Variants in TNIP3 observed in about 807,000 individuals in gnomAD.
TNIP3 encodes TNFAIP3 interacting protein 3.
TNIP3 carries 34 observed loss-of-function variants against 54.1 expected under a neutral mutation model. That is an observed-to-expected ratio of 0.63 (90% CI 0.48 to 0.84). The LOEUF (loss-of-function observed/expected upper bound fraction) is 0.84, where lower values mean the gene tolerates loss of function less well. Ranked by LOEUF, TNIP3 falls within the 40% of genes least tolerant of loss-of-function variation. The probability of loss-of-function intolerance (pLI) is 0.00; values close to 1 mark genes in which losing one functional copy is unlikely to be tolerated. For synonymous variants in TNIP3, 134 were observed against 136.8 expected (o/e 0.98, Z 0.14); for missense variants, 366 against 387.6 (o/e 0.94, Z 0.47).
chr4:121,162,623 T>C (rs1278275519), intron 1 of TNIP3, among the ~76,000 whole-genome samples: 1 of 152,168 alleles, frequency 6.6e-6, no homozygotes, highest in Non-Finnish European at 1.5e-5. Flanking sequence ...TAGTGTATCT[T>C]GAGGTCATCA....
chr4:121,151,740 C>A (rs1478619496), intron 5 of TNIP3, among the ~76,000 whole-genome samples: 1 of 151,866 alleles, frequency 6.6e-6, no homozygotes, highest in African/African-American at 2.4e-5. Flanking sequence ...ATTTTCTGAT[C>A]TACTTTTCAT....
chr4:121,134,632 T>G (rs1250098882), intron 10 of TNIP3, among the ~76,000 whole-genome samples: 2 of 152,204 alleles, frequency 1.3e-5, no homozygotes, highest in Non-Finnish European at 2.9e-5. Flanking sequence ...GGGTTGATTT[T>G]CAATGTGTCT....
At chr4:121,143,612 C>A (rs1449054694) in intron 7 of TNIP3, among the ~76,000 whole-genome samples, 1 of 152,180 alleles carries the variant, frequency 6.6e-6, no homozygotes, top group Non-Finnish European at 1.5e-5. Context: ...CATAAAGTCA[C>A]CACGGACACT....
chr4:121,171,406 T>A (rs903421435), intron 3 of TNIP3, among the ~76,000 whole-genome samples: 4 of 152,222 alleles, frequency 2.6e-5, no homozygotes, highest in Non-Finnish European at 5.9e-5. Context: ...AGTAAAATGT[T>A]CATGTTCATG....
At chr4:121,140,913 G>A (rs1455240415) in intron 9 of TNIP3, among the ~76,000 whole-genome samples, 1 of 152,108 alleles carries the variant, frequency 6.6e-6, no homozygotes. Context: ...GCCACCCAAA[G>A]AGTCATTATC....
intron 2 of TNIP3, among the ~76,000 whole-genome samples, chr4:121,210,463 T>A (rs1351250036): frequency 6.6e-6 from 1 of 152,144 alleles, no homozygotes; most frequent in East Asian, 1.9e-4. Flanking sequence ...CTGAAATCAT[T>A]ATAGATCAAC....
At chr4:121,208,724 C>T (rs1037280732) in intron 2 of TNIP3, among the ~76,000 whole-genome samples, 2 of 152,146 alleles carry the variant, frequency 1.3e-5, no homozygotes, top group African/African-American at 4.8e-5. Flanking sequence ...ATAAAAAATA[C>T]ATTCTTTGTC....
chr4:121,223,623 T>G (rs1456199350), intron 1 of TNIP3, among the ~76,000 whole-genome samples: 2 of 150,620 alleles, frequency 1.3e-5, no homozygotes, highest in Non-Finnish European at 3.0e-5. Flanking sequence ...AAGGTAAAAA[T>G]GCCTCATTAT....
chr4:121,215,147 A>T (rs1726712911), intron 2 of TNIP3, among the ~76,000 whole-genome samples: 2 of 152,154 alleles, frequency 1.3e-5, no homozygotes, highest in Non-Finnish European at 2.9e-5. Flanking sequence ...AGAGTAGCCT[A>T]TTGGAAATCC....
At chr4:121,184,575 C>G (rs1488040078) in intron 2 of TNIP3, among the ~76,000 whole-genome samples, 1 of 152,180 alleles carries the variant, frequency 6.6e-6, no homozygotes, top group Non-Finnish European at 1.5e-5. Flanking sequence ...TCAGCCCCTT[C>G]TAAGGCCTGA....
rs183283513 is a variant in TNIP3 at position 121,151,752 on chromosome 4, C to T, written c.493-1533G>A. 2.0e-3 allele frequency among the ~76,000 whole-genome samples: 310 copies of T among 152,058 alleles called. 2 individuals carry two copies. Among genetic ancestry groups the T allele is most frequent in the South Asian group, 3.3e-3 (16 of 4,822 alleles). On this transcript the variant is annotated intron_variant, in intron 5 of 10. Coordinates refer to ENST00000057513, the MANE Select transcript of TNIP3 (RefSeq NM_024873.6). ...TGAATTTTCTGATCTACTTTTCATG[C>T]TATTTGGGATCCTAGAAATTTTGTA... is the stretch of plus-strand genomic sequence containing the variant.
At chr4:121,211,659 A>G (rs936380623) in intron 2 of TNIP3, among the ~76,000 whole-genome samples, 1 of 152,216 alleles carries the variant, frequency 6.6e-6, no homozygotes, top group Non-Finnish European at 1.5e-5. Flanking sequence ...ACCTTCTATT[A>G]TATTAACTGG....
Position 121,164,086 on chromosome 4 carries a change from C to T in TNIP3, c.40G>A (p.Ala14Thr), listed in dbSNP as rs746493432. The T allele has an allele frequency of 9.9e-6, 16 of 1,613,474 alleles. No individual in the cohort carries two copies. Among genetic ancestry groups the T allele is most frequent in the East Asian group, 6.7e-5 (3 of 44,858 alleles). Residue 14 changes from alanine (A) to threonine (T), a missense_variant, in exon 1 of 11, where the codon GCA (alanine) becomes ACA (threonine). Physicochemically the swap from Ala to Thr is moderately conservative, Grantham distance 58. Coordinates refer to ENST00000057513, the MANE Select transcript of TNIP3 (RefSeq NM_024873.6). ...TCTTTATGCTCCGTAGAACTTTCTG[C>T]GGCAATCATTCTAGATGTGCCCTGT... is the stretch of plus-strand genomic sequence containing the variant. ...FVQGTSRMIA[A>T]ESSTEHKECA...
At position 121,141,878 on chromosome 4, in the gene TNIP3, G is replaced by A. The variant is rs1729140329; in HGVS notation, c.823C>T (p.His275Tyr). The A allele has an allele frequency of 1.3e-6, 2 of 1,599,108 alleles. No homozygotes were observed. Among genetic ancestry groups the A allele is most frequent in the Non-Finnish European group, 1.7e-6 (2 of 1,172,956 alleles). ...GTTGGTACCCATGGATCTTGCAGGT[G>A]GAAAACCAAGCCGCAGTTACAGGGT... The part of the protein sequence containing the change: ...CPPCNCGLVF[H>Y]LQDPWVPTGP... Residue 275 changes from histidine to tyrosine, a missense_variant, in exon 9 of 11, where the codon CAC becomes TAC. Physicochemically the swap from His to Tyr is moderately conservative, Grantham distance 83. Transcript: ENST00000057513.
intron 2 of TNIP3, among the ~76,000 whole-genome samples, chr4:121,208,583 G>C (rs1211623399): frequency 6.6e-6 from 1 of 152,106 alleles, no homozygotes; most frequent in African/African-American, 2.4e-5. Context: ...AATAAAACTG[G>C]TCTCTCATTC....
chr4:121,165,238 C>G (rs190182842), upstream of TNIP3, among the ~76,000 whole-genome samples: 2 of 151,718 alleles, frequency 1.3e-5, no homozygotes, highest in East Asian at 3.9e-4. Flanking sequence ...TTTGGCCCTC[C>G]CATTTCTCCT....
chr4:121,152,393 C>A (rs1225432194), intron 5 of TNIP3, among the ~76,000 whole-genome samples: 2 of 152,120 alleles, frequency 1.3e-5, no homozygotes, highest in Non-Finnish European at 2.9e-5. Flanking sequence ...TATATCTATA[C>A]TTTTAAGGGA....
intron 1 of TNIP3, among the ~76,000 whole-genome samples, chr4:121,222,816 T>TTGTTTTG (rs1331079298): frequency 1.4e-5 from 2 of 145,240 alleles, no homozygotes; most frequent in African/African-American, 5.1e-5. Context: ...TTTTTTTTTT[T>TTGTTTTG]TTTTTTTGAG....
intron 2 of TNIP3, among the ~76,000 whole-genome samples, chr4:121,214,231 T>A (rs1391668051): frequency 6.6e-6 from 1 of 152,156 alleles, no homozygotes; most frequent in Admixed American, 6.5e-5. Flanking sequence ...GCCTCATCCC[T>A]CATCCTTCCT....
Sources: allele counts gnomAD v4.1 joint callset (sites outside exome capture counted in the v4.1 genomes callset), GRCh38; gene constraint gnomAD v4.1.1; transcripts MANE v1.5; gene names NCBI Gene and HGNC (gene_info 2026-07-23, HGNC 2026-07-21).